Variants in OSBP2 observed in about 807,000 individuals in gnomAD.
The protein encoded by OSBP2 is oxysterol binding protein 2, also known as oxysterol-binding protein 2.
Under a neutral mutation model 96.0 loss-of-function variants are expected in OSBP2, and 66 were observed. That is an observed-to-expected ratio of 0.69 (90% CI 0.56 to 0.84). The LOEUF (loss-of-function observed/expected upper bound fraction) is 0.84. Among genes scored for constraint, OSBP2 ranks in the 40% least tolerant of loss-of-function variants. The pLI, the probability that OSBP2 is intolerant of heterozygous loss-of-function variation, is 0.00. For missense variants in OSBP2, 1,038 were observed against 1,222.7 expected, an observed-to-expected ratio of 0.85 and a Z score of 2.25; for synonymous variants, 525 against 520.9, an observed-to-expected ratio of 1.01 and a Z score of -0.11.
chr22:30,742,063 G>A (rs143468462), intron 2 of OSBP2, among the ~76,000 whole-genome samples: 37,568 of 151,416 alleles, frequency 0.25, 4,858 homozygotes, highest in East Asian at 0.44. Flanking sequence ...CACGTGATCC[G>A]CCCACTTCAG....
chr22:30,889,658 G>T (rs199641294), intron 7 of OSBP2, 22 bp downstream of exon 7: 9 of 1,612,678 alleles, frequency 5.6e-6, no homozygotes, highest in Non-Finnish European at 8.5e-7. Flanking sequence ...GGGCAGGGCA[G>T]CCCCGACAGG....
chr22:30,882,899 T>C (rs185847080), intron 3 of OSBP2, among the ~76,000 whole-genome samples: 1 of 152,340 alleles, frequency 6.6e-6, no homozygotes, highest in Admixed American at 6.5e-5. Flanking sequence ...CTTTCCCTCT[T>C]TGCTTTTGCT....
intron 2 of OSBP2, among the ~76,000 whole-genome samples, chr22:30,832,006 A>AG (rs2038532900): frequency 6.6e-6 from 1 of 152,004 alleles, no homozygotes; most frequent in African/African-American, 2.4e-5. Context: ...TGATGATCTG[A>AG]CCTTTCTCCT....
At chr22:30,898,526 T>C (rs2040115713) in intron 12 of OSBP2, among the ~76,000 whole-genome samples, 1 of 152,054 alleles carries the variant, frequency 6.6e-6, no homozygotes, top group South Asian at 2.1e-4. Context: ...GGAAACTCAA[T>C]CATGGCGTAA....
At chr22:30,779,048 T>A (rs950270766) in intron 2 of OSBP2, among the ~76,000 whole-genome samples, 1 of 148,168 alleles carries the variant, frequency 6.7e-6, no homozygotes, top group East Asian at 2.0e-4. Flanking sequence ...AAAAAAAAAA[T>A]ACTGATTTAA....
At chr22:30,777,132 G>T (rs986068719) in intron 2 of OSBP2, among the ~76,000 whole-genome samples, 1 of 152,194 alleles carries the variant, frequency 6.6e-6, no homozygotes, top group East Asian at 1.9e-4. Flanking sequence ...GTGGACTTTT[G>T]AGTTAATGCT....
At chr22:30,837,187 G>A (rs1303055853) in intron 2 of OSBP2, among the ~76,000 whole-genome samples, 1 of 151,254 alleles carries the variant, frequency 6.6e-6, no homozygotes, top group Non-Finnish European at 1.5e-5. Flanking sequence ...ACTTGAAACT[G>A]AGAGGCAGAG....
intron 2 of OSBP2, among the ~76,000 whole-genome samples, chr22:30,786,520 GT>G (rs1424619922): frequency 6.6e-6 from 1 of 152,072 alleles, no homozygotes. Context: ...CTTCACCATG[GT>G]GAAAGGCACC....
intron 12 of OSBP2, among the ~76,000 whole-genome samples, chr22:30,901,845 C>T (rs951822781): frequency 3.3e-5 from 5 of 152,140 alleles, no homozygotes; most frequent in Admixed American, 6.5e-5. Context: ...GCCTGGACGA[C>T]GAGTGAAATT....
At chr22:30,900,623 G>GA (rs1316209281) in intron 12 of OSBP2, among the ~76,000 whole-genome samples, 3 of 151,866 alleles carry the variant, frequency 2.0e-5, no homozygotes, top group African/African-American at 7.3e-5. Context: ...CCCAGAAACA[G>GA]ACCCATGGAT....
chr22:30,793,256 G>GGT (rs2090705034), intron 2 of OSBP2, among the ~76,000 whole-genome samples: 1 of 151,944 alleles, frequency 6.6e-6, no homozygotes, highest in Non-Finnish European at 1.5e-5. Flanking sequence ...CAGGTGTGGT[G>GGT]GCAGGTGCCT....
At chr22:30,803,350 G>C (rs2090880807) in intron 2 of OSBP2, among the ~76,000 whole-genome samples, 1 of 152,262 alleles carries the variant, frequency 6.6e-6, no homozygotes, top group African/African-American at 2.4e-5. Flanking sequence ...TCCTGGGATA[G>C]AGGGCAGGCC....
intron 2 of OSBP2, among the ~76,000 whole-genome samples, chr22:30,761,174 C>T (rs189940726): frequency 1.3e-5 from 2 of 152,228 alleles, no homozygotes; most frequent in Admixed American, 1.3e-4. Context: ...ACAGAGCTAT[C>T]CCTATTTGCA....
chr22:30,868,281 G>A (rs972207405), intron 2 of OSBP2, among the ~76,000 whole-genome samples: 4 of 152,244 alleles, frequency 2.6e-5, no homozygotes, highest in Non-Finnish European at 5.9e-5. Flanking sequence ...CTAAGCTGGT[G>A]GCTTGGCCTC....
rs1283436524 is a variant in OSBP2 at position 30,871,487 on chromosome 22, G to A, written c.1107+805G>A. Among the ~76,000 whole-genome samples, 3 of 152,222 alleles carry A rather than the reference G, an allele frequency of 2.0e-5. No homozygotes were observed. The highest frequency in any genetic ancestry group is 7.2e-5 in the African/African-American group (3 of 41,454). ...CCAGGGCGGCACATCTGGGCCAGGG[G>A]TGCAGTTGTAGGAGCTTGGGGTGGC... is the stretch of plus-strand genomic sequence containing the variant. On this transcript the variant is annotated intron_variant, in intron 3 of 13. Coordinates refer to ENST00000332585, the MANE Select transcript of OSBP2 (RefSeq NM_030758.4). The surrounding 1 kb of genome is among the most constrained non-coding windows in gnomAD (Gnocchi z 4.7).
chr22:30,768,284 T>C (rs1482534099), intron 2 of OSBP2, among the ~76,000 whole-genome samples: 1 of 152,178 alleles, frequency 6.6e-6, no homozygotes, highest in Non-Finnish European at 1.5e-5. Context: ...GTGGCCACCT[T>C]ATTTCAGTAG....
At chr22:30,717,301 G>T (rs553718997) in intron 1 of OSBP2, among the ~76,000 whole-genome samples, 1 of 152,146 alleles carries the variant, frequency 6.6e-6, no homozygotes, top group African/African-American at 2.4e-5. Flanking sequence ...TGAGATAAGG[G>T]TCTAACTTCA....
In OSBP2 at chr22:30,717,090, TTGTGTG is replaced by T. The variant is rs35377469; in HGVS notation, c.644+21575_644+21580del. On this transcript the variant is annotated intron_variant, in intron 1 of 13. Coordinates refer to ENST00000332585, the MANE Select transcript of OSBP2 (RefSeq NM_030758.4). The stretch of plus-strand genomic sequence containing the variant: ...CTATTTTGTTTTAATTTTACTGTTT[TTGTGTG>T]TGTGTGTGTGTGTGTGTGTGTGTGT... 1.1e-3 allele frequency among the ~76,000 whole-genome samples: 136 copies of T among 118,414 alleles called. 2 individuals are homozygous for T. In the South Asian group the frequency reaches 0.012, roughly 10 times the overall value. 77.7% of individuals were successfully genotyped at this position (118,414 alleles called of 152,430 possible).
At chr22:30,865,900 T>C (rs576712739) in intron 2 of OSBP2, among the ~76,000 whole-genome samples, 1 of 152,142 alleles carries the variant, frequency 6.6e-6, no homozygotes, top group Non-Finnish European at 1.5e-5. Context: ...GCCACCTCCA[T>C]GCAGACAGCC....
Sources: allele counts gnomAD v4.1 joint callset (sites outside exome capture counted in the v4.1 genomes callset), GRCh38; gene constraint gnomAD v4.1.1; non-coding constraint Gnocchi (gnomAD v3.1); transcripts MANE v1.5; gene names NCBI Gene and HGNC (gene_info 2026-07-23, HGNC 2026-07-21).